Variants in ADGRL2 observed in about 807,000 individuals in gnomAD.
ADGRL2 encodes the protein adhesion G protein-coupled receptor L2.
Under a neutral mutation model 157.4 loss-of-function variants are expected in ADGRL2, and 44 were observed. The ratio of observed to expected loss-of-function variants is 0.28; its 90% CI spans 0.22 to 0.36. ADGRL2 has a LOEUF of 0.36. Ranked by LOEUF, ADGRL2 falls within the 10% of genes least tolerant of loss-of-function variation. ADGRL2 has a pLI of 1.00. For synonymous variants in ADGRL2, 585 were observed against 624.7 expected, an observed-to-expected ratio of 0.94 and a Z score of 0.95; for missense variants, 1,510 against 1,768.9, an observed-to-expected ratio of 0.85 and a Z score of 2.63.
chr1:81,922,279 T>C (rs1295714909), intron 3 of ADGRL2, among the ~76,000 whole-genome samples: 1 of 152,198 alleles, frequency 6.6e-6, no homozygotes, highest in Non-Finnish European at 1.5e-5. Flanking sequence ...TTTCACACTC[T>C]GTAACATGGA....
intron 4 of ADGRL2, among the ~76,000 whole-genome samples, chr1:81,941,668 G>T (rs1189033068): frequency 2.0e-5 from 3 of 151,794 alleles, no homozygotes; most frequent in Non-Finnish European, 2.9e-5. Flanking sequence ...ATACATATAG[G>T]AAGTAAAACT....
chr1:81,320,862 A>G (rs1660455547), intron 1 of ADGRL2, among the ~76,000 whole-genome samples: 1 of 152,230 alleles, frequency 6.6e-6, no homozygotes, highest in Non-Finnish European at 1.5e-5. Context: ...GCTTCAACTT[A>G]AAGTCATCAG....
chr1:81,741,477 A>G (rs2085072285), intron 1 of ADGRL2, among the ~76,000 whole-genome samples: 2 of 152,066 alleles, frequency 1.3e-5, no homozygotes, highest in Non-Finnish European at 1.5e-5. Context: ...GATATATTCA[A>G]TTAAATTTCG....
intron 3 of ADGRL2, among the ~76,000 whole-genome samples, chr1:81,620,073 G>T (rs934619570): frequency 6.6e-6 from 1 of 152,130 alleles, no homozygotes; most frequent in Non-Finnish European, 1.5e-5. Context: ...CTTATACTAT[G>T]GTTTAAGGCT....
In ADGRL2 at chr1:81,343,087, C is replaced by CTTTTT. The variant is rs764039251; in HGVS notation, c.-302+36582_-302+36583insTTTTT. On this transcript the variant is annotated intron_variant, in intron 1 of 24. Transcript: ENST00000370721. ...TTTTTCTTTTCTTTTTTTCTTTTTT[C>CTTTTT]TTTTCTTTTTTTTTTTTTTGAGACA... Among the ~76,000 whole-genome samples the CTTTTT allele has an allele frequency of 1.4e-4, 18 of 127,484 alleles. 2 individuals carry two copies. The highest frequency in any genetic ancestry group is 2.9e-4 in the African/African-American group (10 of 34,076). 83.6% of individuals were successfully genotyped at this position (127,484 alleles called of 152,430 possible). A position where few individuals can be genotyped will look rare whatever the true frequency, so the allele number is the denominator to read the frequency against.
intron 3 of ADGRL2, among the ~76,000 whole-genome samples, chr1:81,650,574 C>CAAAAAA (rs1180168819): frequency 4.7e-4 from 29 of 61,416 alleles, no homozygotes; most frequent in Middle Eastern, 7.7e-3. Context: ...GACTCCATCT[C>CAAAAAA]AAAAAAAAAA....
intron 1 of ADGRL2, among the ~76,000 whole-genome samples, chr1:81,803,441 C>T (rs2088619595): frequency 6.6e-6 from 1 of 152,036 alleles, no homozygotes; most frequent in African/African-American, 2.4e-5. Flanking sequence ...TTTTCCCCCC[C>T]TCCAATCCTC....
upstream of ADGRL2, among the ~76,000 whole-genome samples, chr1:81,800,240 T>C (rs2087834803): frequency 6.6e-6 from 1 of 152,086 alleles, no homozygotes. Flanking sequence ...GTCAATAAAG[T>C]CAAAGTTTAG....
At chr1:81,483,875 C>T (rs949568236) in intron 2 of ADGRL2, among the ~76,000 whole-genome samples, 1 of 152,134 alleles carries the variant, frequency 6.6e-6, no homozygotes, top group African/African-American at 2.4e-5. Flanking sequence ...ACTGAACATT[C>T]CCTAAATCAT....
intron 3 of ADGRL2, among the ~76,000 whole-genome samples, chr1:81,592,386 G>T (rs901464047): frequency 4.6e-5 from 7 of 152,200 alleles, no homozygotes; most frequent in African/African-American, 1.7e-4. Context: ...AGTGAGTTGG[G>T]TTTGGCCTAC....
At chr1:81,986,110 T>C (rs1663067286) in intron 21 of ADGRL2, among the ~76,000 whole-genome samples, 1 of 152,096 alleles carries the variant, frequency 6.6e-6, no homozygotes, top group Non-Finnish European at 1.5e-5. Context: ...AAGATATTTT[T>C]ATCCAAATTA....
At chr1:81,931,986 G>A (rs2095239990) in intron 3 of ADGRL2, among the ~76,000 whole-genome samples, 1 of 152,058 alleles carries the variant, frequency 6.6e-6, no homozygotes, top group African/African-American at 2.4e-5. Context: ...ATGCCTCTGA[G>A]TTCTCTCTAA....
At chr1:81,410,899 C>A (rs1053709471) in intron 1 of ADGRL2, among the ~76,000 whole-genome samples, 2 of 152,056 alleles carry the variant, frequency 1.3e-5, no homozygotes, top group Middle Eastern at 3.2e-3. Context: ...TCTTTTAAAG[C>A]GTATATTAAG....
intron 1 of ADGRL2, among the ~76,000 whole-genome samples, chr1:81,308,383 G>C: frequency 6.6e-6 from 1 of 151,994 alleles, no homozygotes; most frequent in Middle Eastern, 3.4e-3. Flanking sequence ...TATTTAAAAC[G>C]AGTTTGAGAA....
At chr1:81,670,397 CACT>C (rs1486985782) in intron 3 of ADGRL2, among the ~76,000 whole-genome samples, 1 of 152,138 alleles carries the variant, frequency 6.6e-6, no homozygotes, top group Non-Finnish European at 1.5e-5. Flanking sequence ...GTAGAACTCC[CACT>C]GATGGCAGTA....
intron 1 of ADGRL2, among the ~76,000 whole-genome samples, chr1:81,752,857 C>G (rs1323250151): frequency 6.6e-6 from 1 of 152,094 alleles, no homozygotes. Flanking sequence ...AAATATTATT[C>G]AAACCAAAAA....
chr1:81,506,756 A>AC (rs199681610), intron 2 of ADGRL2, among the ~76,000 whole-genome samples: 5,609 of 131,238 alleles, frequency 0.043, 173 homozygotes, highest in African/African-American at 0.1. Flanking sequence ...ACAAAACAAA[A>AC]AACCAGACAA....
intron 3 of ADGRL2, among the ~76,000 whole-genome samples, chr1:81,625,952 T>C (rs1343039300): frequency 6.6e-6 from 1 of 152,158 alleles, no homozygotes; most frequent in Non-Finnish European, 1.5e-5. Flanking sequence ...GAGAGGAATT[T>C]TCATTCTTTC....
At chr1:81,392,243 G>C (rs202187078) in intron 1 of ADGRL2, among the ~76,000 whole-genome samples, 1 of 148,120 alleles carries the variant, frequency 6.8e-6, no homozygotes, top group South Asian at 2.2e-4. Flanking sequence ...AAAAAACAAA[G>C]AAGCAACATT....
Sources: gnomAD v4.1 joint callset for allele counts (sites outside exome capture counted in the v4.1 genomes callset) on GRCh38, gnomAD v4.1.1 for gene constraint, MANE v1.5 for transcripts, NCBI Gene and HGNC (gene_info 2026-07-23, HGNC 2026-07-21) for gene names.